The following CLCN4 variants were observed in gnomAD, a reference collection of about 807,000 sequenced individuals.
CLCN4 encodes the protein H(+)/Cl(-) exchange transporter 4.
A neutral mutation model predicts 41.7 loss-of-function variants in CLCN4; 1 was observed. The observed-to-expected ratio is 0.02, with a 90% CI of 0.01 to 0.11. The LOEUF (loss-of-function observed/expected upper bound fraction) is 0.11. CLCN4 is among the 10% of genes least tolerant of loss of function. CLCN4 has a pLI of 1.00. For synonymous variants in CLCN4, 277 were observed against 285.8 expected, an observed-to-expected ratio of 0.97 and a Z score of 0.31; for missense variants, 287 against 661.0, an observed-to-expected ratio of 0.43 and a Z score of 6.20.
intron 12 of CLCN4, among the ~76,000 whole-genome samples, chrX:10,229,784 T>C (rs891551242): frequency 1.8e-5 from 2 of 112,071 alleles, no homozygotes; most frequent in Non-Finnish European, 3.8e-5. Context: ...TTTCTTAATC[T>C]AGTCTATCAT....
intron 2 of CLCN4, among the ~76,000 whole-genome samples, chrX:10,164,115 CACAGCACTGG>C (rs1321563923): frequency 8.9e-6 from 1 of 112,035 alleles, no homozygotes; most frequent in Non-Finnish European, 1.9e-5. Flanking sequence ...GCAAAGGATG[CACAGCACTGG>C]ACTCCAAACG....
chrX:10,177,525 G>C (rs1923564884), intron 2 of CLCN4, among the ~76,000 whole-genome samples: 1 of 112,168 alleles, frequency 8.9e-6, no homozygotes, highest in Non-Finnish European at 1.9e-5. Flanking sequence ...TTTGGGGTGG[G>C]TCAGGGACTA....
At chrX:10,188,980 C>CCTGT (rs1348051310) in intron 4 of CLCN4, among the ~76,000 whole-genome samples, 2 of 112,048 alleles carry the variant, frequency 1.8e-5, no homozygotes, top group African/African-American at 6.5e-5. Context: ...TTTCTCCAAG[C>CCTGT]CTGTCCTTCC....
chrX:10,219,013 CTG>C (rs1404571081), intron 11 of CLCN4, among the ~76,000 whole-genome samples: 3 of 112,820 alleles, frequency 2.7e-5, no homozygotes, highest in African/African-American at 9.7e-5. Flanking sequence ...TTTGTGTCTA[CTG>C]TGTGTTAGGC....
chrX:10,182,939 G>A (rs1421078018), intron 2 of CLCN4, among the ~76,000 whole-genome samples: 1 of 112,160 alleles, frequency 8.9e-6, no homozygotes, highest in Non-Finnish European at 1.9e-5. Flanking sequence ...TAGAGATGTA[G>A]TTAAATTTTA....
At position 10,216,918 on chromosome X, in the gene CLCN4, T is replaced by TACACACACACACAC. The variant is rs1555977626; in HGVS notation, c.1975+2852_1975+2853insCACACACACACACA. Among the ~76,000 whole-genome samples, 55 of 38,928 alleles carry TACACACACACACAC rather than the reference T, an allele frequency of 1.4e-3. 1 individual carries two copies. The highest frequency in any genetic ancestry group is 3.4e-3 in the African/African-American group (31 of 9,012). The allele number at this position is 38,928 out of a possible 115,157, so 33.8% of individuals were successfully genotyped here. On this transcript the variant is annotated intron_variant, in intron 11 of 12. Coordinates refer to ENST00000380833, the MANE Select transcript of CLCN4 (RefSeq NM_001830.4). ...GTGTGTATATATATATATATATATA[T>TACACACACACACAC]ACACACACACACATAGAGGGACTTC... is the stretch of plus-strand genomic sequence containing the variant.
rs2269814 is a variant in CLCN4, at chrX:10,235,355, A to C, written c.*1771A>C. ...CTGTCACGTGGCTCCCCCTAGCCGC[A>C]CACTAGTGTGGGAAGGAAAATATTG... On this transcript the variant is annotated 3_prime_UTR_variant, in exon 13 of 13. Transcript: ENST00000380833. The C allele has an allele frequency of 0.34, 38,013 of 110,863 alleles. 4,906 individuals carry two copies. The highest frequency in any genetic ancestry group is 0.65 in the East Asian group (2,263 of 3,468). The allele number at this position is 110,863 out of a possible 1,213,427, so 9.1% of individuals were successfully genotyped here.
At chrX:10,184,898 A>G in intron 2 of CLCN4, 124 bp from the exon 3 acceptor site, 1 of 502,939 alleles carries the variant, frequency 2.0e-6, no homozygotes, top group South Asian at 3.9e-5. Flanking sequence ...ATATTTCATT[A>G]CAGCACAGAT....
At chrX:10,197,809 C>T (rs1924135350) in intron 5 of CLCN4, 130 bp from the exon 6 acceptor site, 3 of 798,139 alleles carry the variant, frequency 3.8e-6, no homozygotes, top group Non-Finnish European at 5.5e-6. Flanking sequence ...TTGGTTTATA[C>T]AGGACTGGGA....
chrX:10,161,124 GCTCTCTCTCTCTCTCTCTCTCT>G (rs34687262), intron 2 of CLCN4, among the ~76,000 whole-genome samples: 2 of 86,425 alleles, frequency 2.3e-5, no homozygotes, highest in Admixed American at 1.4e-4. Flanking sequence ...CCATCAGCTT[GCTCTCTCTCTCTCTCTCTCTCT>G]CTCTCTCTCT....
At chrX:10,164,300 A>G (rs1464675945) in intron 2 of CLCN4, among the ~76,000 whole-genome samples, 1 of 111,551 alleles carries the variant, frequency 9.0e-6, no homozygotes, top group Non-Finnish European at 1.9e-5. Context: ...TGCGGAAAGC[A>G]GGGAGATCGG....
rs1473558690 is a variant in CLCN4, at chrX:10,236,781, G to A, written c.*3197G>A. On this transcript the variant is annotated 3_prime_UTR_variant, in exon 13 of 13. Coordinates refer to ENST00000380833, the MANE Select transcript of CLCN4 (RefSeq NM_001830.4). ...CTTTAGACATTTGTAGAACTTTCTGGATTCCTTCTGAATCGGGTTTTAACA... is the reference window on the plus strand; with the variant it reads ...CTTTAGACATTTGTAGAACTTTCTGAATTCCTTCTGAATCGGGTTTTAACA... The A allele has an allele frequency of 6.4e-5, 7 of 109,972 alleles. No homozygotes were observed. The allele number at this position is 109,972 out of a possible 1,213,427, so 9.1% of individuals were successfully genotyped here.
At chrX:10,221,063 G>A (rs183598266) in intron 12 of CLCN4, among the ~76,000 whole-genome samples, 186 bp downstream of exon 12, 2 of 111,365 alleles carry the variant, frequency 1.8e-5, no homozygotes, top group Non-Finnish European at 3.8e-5. Context: ...CTGGGCAGCC[G>A]TGCAGCCAGA....
In CLCN4 at chrX:10,215,062, C is replaced by G. The variant is rs377581935; in HGVS notation, c.1975+983C>G. On this transcript the variant is annotated intron_variant, in intron 11 of 12. Transcript: ENST00000380833. Reference sequence around the variant, plus strand: ...TTGCTCTGTGATCTGTACAACATTCCAGCATCTCATGATAGACCAGGGCCC... The same window carrying G: ...TTGCTCTGTGATCTGTACAACATTCGAGCATCTCATGATAGACCAGGGCCC... Among the ~76,000 whole-genome samples the G allele has an allele frequency of 3.0e-4, 34 of 112,045 alleles. 1 individual carries two copies. The East Asian group carries it at 3.7e-3, about 12-fold the overall frequency.
At chrX:10,171,973 T>C (rs1680612114) in intron 2 of CLCN4, among the ~76,000 whole-genome samples, 1 of 111,933 alleles carries the variant, frequency 8.9e-6, no homozygotes, top group African/African-American at 3.3e-5. Context: ...GCATTCAGCA[T>C]AGATCACAGT....
At chrX:10,210,871 C>A (rs1361078853) in intron 9 of CLCN4, among the ~76,000 whole-genome samples, 1 of 108,008 alleles carries the variant, frequency 9.3e-6, no homozygotes. Context: ...TGGTCTGGAA[C>A]TCCTGGGCTC....
intron 6 of CLCN4, among the ~76,000 whole-genome samples, chrX:10,205,062 A>T (rs762551515): frequency 5.4e-5 from 6 of 110,969 alleles, no homozygotes; most frequent in Non-Finnish European, 1.1e-4. Flanking sequence ...TAGTCTAACA[A>T]GGTTGGTTCA....
intron 11 of CLCN4, among the ~76,000 whole-genome samples, chrX:10,214,777 A>G (rs1222860770): frequency 8.9e-6 from 1 of 111,918 alleles, no homozygotes; most frequent in Non-Finnish European, 1.9e-5. Flanking sequence ...GGGTGTCCCA[A>G]CGACAGGTGG....
At chrX:10,222,649 C>T (rs1235991877) in intron 12 of CLCN4, among the ~76,000 whole-genome samples, 1 of 111,518 alleles carries the variant, frequency 9.0e-6, no homozygotes, top group East Asian at 2.8e-4. Context: ...GACAGCTCCA[C>T]AACAAAACAT....
Sources: allele counts gnomAD v4.1 joint callset (sites outside exome capture counted in the v4.1 genomes callset), GRCh38; gene constraint gnomAD v4.1.1; transcripts MANE v1.5; gene names NCBI Gene and HGNC (gene_info 2026-07-23, HGNC 2026-07-21).